The following HEMK2 variants were observed in gnomAD, a reference collection of about 807,000 sequenced individuals.
HEMK2 encodes methyltransferase HEMK2.
the HEMK2 span, among the ~76,000 whole-genome samples, chr21:28,818,037 G>C: frequency 5.9e-5 from 9 of 152,150 alleles, no homozygotes; most frequent in Non-Finnish European, 1.2e-4. Flanking sequence ...GCAAAGTATT[G>C]TTCCTAGGTG....
the HEMK2 span, among the ~76,000 whole-genome samples, chr21:28,762,230 T>C: frequency 6.6e-6 from 1 of 152,124 alleles, no homozygotes; most frequent in Non-Finnish European, 1.5e-5. Flanking sequence ...ATACCATTAT[T>C]GGCCCAAGTT....
chr21:28,851,643 C>CATGCAA, the HEMK2 span, among the ~76,000 whole-genome samples: 1 of 152,212 alleles, frequency 6.6e-6, no homozygotes, highest in African/African-American at 2.4e-5. Flanking sequence ...CATCCTCTGG[C>CATGCAA]ATGCAAATGT....
chr21:28,680,275 C>A, the HEMK2 span, among the ~76,000 whole-genome samples: 2 of 152,198 alleles, frequency 1.3e-5, no homozygotes, highest in Non-Finnish European at 2.9e-5. Context: ...AGAAACACCT[C>A]TACACAAATA....
the HEMK2 span, among the ~76,000 whole-genome samples, chr21:28,591,137 G>A: frequency 6.6e-6 from 1 of 152,140 alleles, no homozygotes; most frequent in South Asian, 2.1e-4. Flanking sequence ...AAAAAATAAT[G>A]TCTATACCAT....
chr21:28,576,330 A>G, the HEMK2 span, among the ~76,000 whole-genome samples: 1 of 152,168 alleles, frequency 6.6e-6, no homozygotes, highest in East Asian at 1.9e-4. Context: ...ATTTCCTTGA[A>G]TATTAATGAT....
At chr21:28,863,410 TTATATATATATATATATATATA>T in the HEMK2 span, among the ~76,000 whole-genome samples, 2,896 of 38,944 alleles carry the variant, frequency 0.074, 164 homozygotes, top group Middle Eastern at 0.14. Context: ...AAACTCCCTT[TTATATATATATATATATATATA>T]TATATATATA....
At chr21:28,587,360 T>C in the HEMK2 span, among the ~76,000 whole-genome samples, 4 of 152,188 alleles carry the variant, frequency 2.6e-5, no homozygotes, top group Admixed American at 6.5e-5. Context: ...AGTTGTGATA[T>C]ATTTATATGG....
the HEMK2 span, among the ~76,000 whole-genome samples, chr21:28,617,994 C>T: frequency 2.6e-3 from 395 of 152,178 alleles, 2 homozygotes; most frequent in African/African-American, 9.0e-3. Flanking sequence ...CACTATGTTG[C>T]CCAGGCTGGT....
the HEMK2 span, among the ~76,000 whole-genome samples, chr21:28,738,494 C>G: frequency 6.6e-6 from 1 of 152,224 alleles, no homozygotes; most frequent in Non-Finnish European, 1.5e-5. Context: ...ACGTCTCCCT[C>G]TTGCTGTCCT....
the HEMK2 span, among the ~76,000 whole-genome samples, chr21:28,860,630 T>C: frequency 1.5e-4 from 23 of 152,112 alleles, no homozygotes; most frequent in African/African-American, 4.8e-4. Flanking sequence ...TCTGCTAAGA[T>C]TGCCCTGAGT....
At chr21:28,867,939 C>T in the HEMK2 span, among the ~76,000 whole-genome samples, 1 of 152,048 alleles carries the variant, frequency 6.6e-6, no homozygotes, top group East Asian at 1.9e-4. Context: ...TTATTTACAA[C>T]TTAATCAATT....
At chr21:28,623,998 C>T in the HEMK2 span, among the ~76,000 whole-genome samples, 1 of 152,022 alleles carries the variant, frequency 6.6e-6, no homozygotes, top group Non-Finnish European at 1.5e-5. Flanking sequence ...AACTCAAATG[C>T]CAATTTGCGG....
At chr21:28,699,424 G>T in the HEMK2 span, among the ~76,000 whole-genome samples, 1 of 152,198 alleles carries the variant, frequency 6.6e-6, no homozygotes, top group African/African-American at 2.4e-5. Context: ...CAAAGATTTT[G>T]AAGATATTAA....
chr21:28,821,549 C>T, the HEMK2 span, among the ~76,000 whole-genome samples: 2 of 152,232 alleles, frequency 1.3e-5, no homozygotes, highest in South Asian at 2.1e-4. Context: ...ACCACTTTTC[C>T]ACCGCACCCC....
At chr21:28,575,643 A>G in the HEMK2 span, among the ~76,000 whole-genome samples, 1 of 152,224 alleles carries the variant, frequency 6.6e-6, no homozygotes, top group Non-Finnish European at 1.5e-5. Flanking sequence ...TACATCCAAT[A>G]AAATGCAGAG....
chr21:28,635,617 A>G, the HEMK2 span, among the ~76,000 whole-genome samples: 1 of 152,216 alleles, frequency 6.6e-6, no homozygotes, highest in Non-Finnish European at 1.5e-5. Flanking sequence ...ATGGTTCTAC[A>G]CATCTTATTT....
At chr21:28,774,816 T>C in the HEMK2 span, among the ~76,000 whole-genome samples, 2 of 152,136 alleles carry the variant, frequency 1.3e-5, no homozygotes, top group Non-Finnish European at 2.9e-5. Flanking sequence ...TATTCCTGAG[T>C]AGTATGTAGC....
chr21:28,737,950 G>T, the HEMK2 span, among the ~76,000 whole-genome samples: 1 of 152,214 alleles, frequency 6.6e-6, no homozygotes, highest in Non-Finnish European at 1.5e-5. Flanking sequence ...GAAGGGGCAG[G>T]TTGGGAGCAA....
chr21:28,579,548 G>A, the HEMK2 span, among the ~76,000 whole-genome samples: 1 of 151,992 alleles, frequency 6.6e-6, no homozygotes, highest in Non-Finnish European at 1.5e-5. Context: ...GAAAATAAAA[G>A]TATACTTAAA....
Sources: allele counts gnomAD v4.1 joint callset (sites outside exome capture counted in the v4.1 genomes callset), GRCh38; gene constraint gnomAD v4.1.1; transcripts MANE v1.5; gene names NCBI Gene and HGNC (gene_info 2026-07-23, HGNC 2026-07-21).